Variants in SPIDR observed in about 807,000 individuals in gnomAD.
SPIDR encodes scaffold protein involved in DNA repair.
Under a neutral mutation model 104.6 loss-of-function variants are expected in SPIDR, and 93 were observed. That is an observed-to-expected ratio of 0.89 (90% CI 0.75 to 1.06). The LOEUF (loss-of-function observed/expected upper bound fraction) is 1.06. Ranked by LOEUF, SPIDR falls within the 50% of genes least tolerant of loss-of-function variation. The pLI is 0.00. For synonymous variants in SPIDR, 431 were observed against 416.9 expected (o/e 1.03, Z -0.41); for missense variants, 1,154 against 1,111.2 (o/e 1.04, Z -0.55).
intron 8 of SPIDR, among the ~76,000 whole-genome samples, chr8:47,503,000 G>A (rs892695645): frequency 1.3e-5 from 2 of 152,218 alleles, no homozygotes; most frequent in Non-Finnish European, 2.9e-5. Flanking sequence ...TGGTCTGAGA[G>A]AGAGTTTGTT....
At chr8:47,285,875 C>T (rs1397990992) in intron 3 of SPIDR, among the ~76,000 whole-genome samples, 2 of 152,120 alleles carry the variant, frequency 1.3e-5, no homozygotes, top group Non-Finnish European at 2.9e-5. Flanking sequence ...TAGGACAGTG[C>T]CTAGCACACA....
intron 5 of SPIDR, among the ~76,000 whole-genome samples, chr8:47,320,042 A>G (rs1236372808): frequency 1.3e-5 from 2 of 152,150 alleles, no homozygotes; most frequent in African/African-American, 2.4e-5. Flanking sequence ...AAAGAACTAG[A>G]GAAGCAAGAG....
intron 19 of SPIDR, among the ~76,000 whole-genome samples, chr8:47,731,289 C>T (rs1432508698): frequency 6.6e-6 from 1 of 151,866 alleles, no homozygotes; most frequent in Non-Finnish European, 1.5e-5. Flanking sequence ...TCCCTCCTGG[C>T]ACAACACCCA....
At chr8:47,537,418 CAT>C (rs1310272893) in intron 8 of SPIDR, among the ~76,000 whole-genome samples, 5 of 152,104 alleles carry the variant, frequency 3.3e-5, no homozygotes, top group South Asian at 2.1e-4. Context: ...CATGAAAAAA[CAT>C]AGAGGAACCT....
chr8:47,481,336 A>G (rs2076879162), intron 8 of SPIDR, among the ~76,000 whole-genome samples: 1 of 152,216 alleles, frequency 6.6e-6, no homozygotes, highest in Non-Finnish European at 1.5e-5. Context: ...TGCAGCTCTA[A>G]GTTCCAAGAT....
chr8:47,294,844 TTG>T lies in SPIDR; in HGVS notation c.525+816_525+817del, dbSNP rs1297908173. 2.5e-3 allele frequency among the ~76,000 whole-genome samples: 383 copies of T among 152,298 alleles called. 1 individual carries two copies. The highest frequency in any genetic ancestry group is 9.0e-3 in the African/African-American group (373 of 41,574). ...AACTCTTTTCTGCATGTATGTGAGT[TTG>T]TAGTTTTCATCACATTTGGTAAGTT... On this transcript the variant is annotated intron_variant, in intron 5 of 19. Coordinates refer to ENST00000297423, the MANE Select transcript of SPIDR (RefSeq NM_001080394.4).
chr8:47,610,700 T>C (rs914363192), intron 10 of SPIDR, among the ~76,000 whole-genome samples: 3 of 152,222 alleles, frequency 2.0e-5, no homozygotes, highest in African/African-American at 7.2e-5. Flanking sequence ...AAAAATCCTG[T>C]AGAGCAATTC....
At chr8:47,535,316 G>T (rs1316910648) in intron 8 of SPIDR, among the ~76,000 whole-genome samples, 1 of 152,172 alleles carries the variant, frequency 6.6e-6, no homozygotes, top group Non-Finnish European at 1.5e-5. Context: ...AGCACTAAGT[G>T]CAGGAGCAAG....
At chr8:47,509,934 GAC>G (rs2082060274) in intron 8 of SPIDR, among the ~76,000 whole-genome samples, 2 of 151,210 alleles carry the variant, frequency 1.3e-5, no homozygotes, top group South Asian at 2.1e-4. Flanking sequence ...ACACACACAC[GAC>G]ACACACTTAA....
chr8:47,321,305 G>A (rs565003845), intron 5 of SPIDR, among the ~76,000 whole-genome samples: 1 of 141,674 alleles, frequency 7.1e-6, no homozygotes, highest in Non-Finnish European at 1.6e-5. Context: ...CAATAACAGA[G>A]AAAGAGAGAG....
At chr8:47,293,112 G>A (rs956988018) in intron 4 of SPIDR, among the ~76,000 whole-genome samples, 3 of 151,846 alleles carry the variant, frequency 2.0e-5, no homozygotes, top group African/African-American at 4.8e-5. Flanking sequence ...TCTGACCTTC[G>A]GTCTGTTATG....
chr8:47,346,279 T>C (rs1286842139), intron 5 of SPIDR, among the ~76,000 whole-genome samples: 1 of 152,240 alleles, frequency 6.6e-6, no homozygotes, highest in Non-Finnish European at 1.5e-5. Flanking sequence ...TTGATTTGCG[T>C]ATATTGAATG....
intron 5 of SPIDR, among the ~76,000 whole-genome samples, chr8:47,342,655 A>G (rs1449260800): frequency 6.6e-6 from 1 of 151,944 alleles, no homozygotes; most frequent in African/African-American, 2.4e-5. Flanking sequence ...CTTATTTTTT[A>G]TATTTATAAA....
chr8:47,534,822 G>A (rs188039649), intron 8 of SPIDR, among the ~76,000 whole-genome samples: 9 of 151,456 alleles, frequency 5.9e-5, no homozygotes, highest in South Asian at 2.1e-4. Context: ...TAATGAAATC[G>A]AAAACAGGAA....
intron 1 of SPIDR, among the ~76,000 whole-genome samples, chr8:47,272,571 T>C (rs771681353): frequency 0.011 from 1,616 of 152,316 alleles, 10 homozygotes; most frequent in Non-Finnish European, 0.016. Context: ...AGACATATGC[T>C]TTGGCAATTT....
At chr8:47,640,933 G>A (rs541615647) in intron 10 of SPIDR, among the ~76,000 whole-genome samples, 4 of 128,214 alleles carry the variant, frequency 3.1e-5, no homozygotes, top group South Asian at 2.5e-4. Context: ...GGCTGGTCTC[G>A]AACTCCTGAG....
At chr8:47,551,746 A>C (rs2090523795) in intron 8 of SPIDR, among the ~76,000 whole-genome samples, 1 of 152,098 alleles carries the variant, frequency 6.6e-6, no homozygotes. Context: ...AATTTTTTGA[A>C]GGGTTTTTTG....
intron 5 of SPIDR, among the ~76,000 whole-genome samples, chr8:47,337,014 A>G (rs1163343443): frequency 1.3e-5 from 2 of 152,132 alleles, no homozygotes; most frequent in Non-Finnish European, 2.9e-5. Context: ...GCATTTCTCT[A>G]ATGGCTAAGG....
intron 8 of SPIDR, among the ~76,000 whole-genome samples, chr8:47,584,871 C>T (rs762526422): frequency 6.6e-6 from 1 of 152,194 alleles, no homozygotes. Context: ...GCCTTTCCCC[C>T]TCCCACTCCA....
Sources: allele counts gnomAD v4.1 joint callset (sites outside exome capture counted in the v4.1 genomes callset), GRCh38; gene constraint gnomAD v4.1.1; transcripts MANE v1.5; gene names NCBI Gene and HGNC (gene_info 2026-07-23, HGNC 2026-07-21).